The following TTC27 variants were observed in gnomAD, a reference collection of about 807,000 sequenced individuals.
The protein encoded by TTC27 is tetratricopeptide repeat protein 27.
In TTC27, 79 loss-of-function variants were observed where a neutral mutation model predicts 115.9. The ratio of observed to expected loss-of-function variants is 0.68; its 90% CI spans 0.57 to 0.82. TTC27 has a LOEUF of 0.82. Among genes scored for constraint, TTC27 ranks in the 40% least tolerant of loss-of-function variants. TTC27 has a pLI of 0.00. For missense variants in TTC27, 1,054 were observed against 993.1 expected, an observed-to-expected ratio of 1.06 and a Z score of -0.82; for synonymous variants, 401 against 356.0, an observed-to-expected ratio of 1.13 and a Z score of -1.42.
intron 10 of TTC27, among the ~76,000 whole-genome samples, chr2:32,706,825 A>T (rs1365883083): frequency 6.6e-6 from 1 of 152,048 alleles, no homozygotes; most frequent in African/African-American, 2.4e-5. Context: ...CGACCTCTCA[A>T]AGTGTTGGAT....
At chr2:32,722,442 T>A (rs1286624422) in intron 10 of TTC27, among the ~76,000 whole-genome samples, 1 of 152,210 alleles carries the variant, frequency 6.6e-6, no homozygotes, top group African/African-American at 2.4e-5. Context: ...GTATTGTTAC[T>A]TTACTGAACA....
chr2:32,771,744 CA>C (rs1669837389), intron 13 of TTC27, among the ~76,000 whole-genome samples: 1 of 152,118 alleles, frequency 6.6e-6, no homozygotes, highest in Non-Finnish European at 1.5e-5. Flanking sequence ...CATCAAGCAT[CA>C]CTTTAGGAAA....
intron 8 of TTC27, among the ~76,000 whole-genome samples, chr2:32,674,024 T>A (rs1002317184): frequency 2.0e-5 from 3 of 152,112 alleles, no homozygotes; most frequent in Non-Finnish European, 1.5e-5. Flanking sequence ...TTAGACTAAA[T>A]GAATATCCCA....
chr2:32,787,218 A>G, intron 16 of TTC27, 69 bp downstream of exon 16: 1 of 1,505,780 alleles, frequency 6.6e-7, no homozygotes, highest in African/African-American at 1.4e-5. Context: ...GGTATAAATT[A>G]TTTCCTTGAA....
rs536336916 is a variant in TTC27 at position 32,684,968 on chromosome 2, A to C, written c.1119+6046A>C. Among the ~76,000 whole-genome samples the C allele has an allele frequency of 6.0e-5, 9 of 150,576 alleles. No homozygotes were observed. The South Asian group carries it at 1.7e-3, about 28-fold the overall frequency. Reference sequence around the variant, plus strand: ...AAATAAGAGGAAACAACAACTGCAAATACCTTCACCTTCTCGTTGAAACTA... The same window carrying C: ...AAATAAGAGGAAACAACAACTGCAACTACCTTCACCTTCTCGTTGAAACTA... On this transcript the variant is annotated intron_variant, in intron 9 of 19. Coordinates refer to ENST00000317907, the MANE Select transcript of TTC27 (RefSeq NM_017735.5).
Position 32,628,325 on chromosome 2 carries a change from AT to A in TTC27, c.35del (p.Phe12SerfsTer37), listed in dbSNP as rs766307470. The A allele has an allele frequency of 2.5e-6, 4 of 1,607,558 alleles. No individual in the cohort carries two copies. The highest frequency in any genetic ancestry group is 3.4e-6 in the Non-Finnish European group (4 of 1,178,080). On this transcript the variant is annotated frameshift_variant, in exon 1 of 20. Transcript: ENST00000317907. LOFTEE classifies it high-confidence loss of function. ...CCCCGGAGCTGGCAATTCTGAGGGG[AT>A]TCCCCACTGAGGCTGAGCGGCAGCA... ...WTPELAILRG[F>X]PTEAERQQWK...
intron 7 of TTC27, among the ~76,000 whole-genome samples, chr2:32,670,307 G>A (rs886566771): frequency 2.0e-5 from 3 of 152,118 alleles, no homozygotes; most frequent in African/African-American, 7.2e-5. Context: ...ACTTTGTTGA[G>A]ATTTAACAAT....
chr2:32,798,998 A>G (rs576047242), intron 16 of TTC27, among the ~76,000 whole-genome samples: 148 of 152,344 alleles, frequency 9.7e-4, no homozygotes, highest in African/African-American at 3.1e-3. Flanking sequence ...ATTTCCATCT[A>G]TGGATGAATG....
chr2:32,793,263 A>G (rs1441332820), intron 16 of TTC27, among the ~76,000 whole-genome samples: 1 of 152,140 alleles, frequency 6.6e-6, no homozygotes, highest in African/African-American at 2.4e-5. Flanking sequence ...GTGCTAAAAG[A>G]AAAAAACTGT....
intron 12 of TTC27, among the ~76,000 whole-genome samples, chr2:32,753,429 C>CTTTTTTTTTTTTTTTTTT (rs776515945): frequency 1.4e-5 from 1 of 72,848 alleles, no homozygotes; most frequent in Non-Finnish European, 2.4e-5. Flanking sequence ...AATCAAATGC[C>CTTTTTTTTTTTTTTTTTT]TTTTTTTTTT....
intron 16 of TTC27, among the ~76,000 whole-genome samples, chr2:32,795,514 G>A (rs1191650454): frequency 6.6e-6 from 1 of 150,744 alleles, no homozygotes; most frequent in Admixed American, 6.6e-5. Context: ...AATGGTGAAA[G>A]ACTGAAAGCT....
chr2:32,811,780 C>G (rs764293354), intron 17 of TTC27, among the ~76,000 whole-genome samples: 2 of 152,174 alleles, frequency 1.3e-5, no homozygotes, highest in Admixed American at 6.5e-5. Context: ...CTTAAAGGAG[C>G]CTGCAGAGTT....
intron 13 of TTC27, among the ~76,000 whole-genome samples, chr2:32,759,793 A>G (rs1261979096): frequency 6.6e-6 from 1 of 152,160 alleles, no homozygotes; most frequent in Non-Finnish European, 1.5e-5. Context: ...TTAACTGGGT[A>G]ACTGTCTTAT....
At chr2:32,656,939 T>C (rs940661140) in intron 5 of TTC27, among the ~76,000 whole-genome samples, 2 of 152,108 alleles carry the variant, frequency 1.3e-5, no homozygotes, top group Non-Finnish European at 2.9e-5. Flanking sequence ...ACCCCATTTT[T>C]AGGGAAGAAT....
intron 13 of TTC27, among the ~76,000 whole-genome samples, chr2:32,765,136 C>T (rs1188833711): frequency 2.6e-5 from 4 of 152,114 alleles, no homozygotes; most frequent in Non-Finnish European, 5.9e-5. Context: ...TTGCTTTGCC[C>T]AGATCCATCA....
At chr2:32,723,170 T>G (rs976303559) in intron 10 of TTC27, among the ~76,000 whole-genome samples, 4 of 152,186 alleles carry the variant, frequency 2.6e-5, no homozygotes, top group Admixed American at 2.6e-4. Context: ...AATAATAACT[T>G]TAGTCAGATT....
chr2:32,763,370 T>TA (rs2147999446), intron 13 of TTC27, among the ~76,000 whole-genome samples: 1 of 152,272 alleles, frequency 6.6e-6, no homozygotes, highest in African/African-American at 2.4e-5. Flanking sequence ...ACATGGAATT[T>TA]AAAAAAATTC....
chr2:32,791,082 T>A (rs1670518920), intron 16 of TTC27, among the ~76,000 whole-genome samples: 2 of 152,338 alleles, frequency 1.3e-5, no homozygotes. Context: ...TTGTATTTAT[T>A]TCTAGATTAT....
At chr2:32,638,775 G>A (rs1572463389) in intron 3 of TTC27, among the ~76,000 whole-genome samples, 1 of 152,242 alleles carries the variant, frequency 6.6e-6, no homozygotes, top group East Asian at 1.9e-4. Context: ...CCAGGGAGTG[G>A]CATTACTTGG....
Sources: gnomAD v4.1 joint callset for allele counts (sites outside exome capture counted in the v4.1 genomes callset) on GRCh38, gnomAD v4.1.1 for gene constraint, MANE v1.5 for transcripts, NCBI Gene and HGNC (gene_info 2026-07-23, HGNC 2026-07-21) for gene names.